The following ENTREP2 variants were observed in gnomAD, a reference collection of about 807,000 sequenced individuals.
ENTREP2 encodes endosomal transmembrane epsin interactor 2.
At chr15:29,484,542 G>C in the ENTREP2 span, among the ~76,000 whole-genome samples, 1 of 151,984 alleles carries the variant, frequency 6.6e-6, no homozygotes, top group African/African-American at 2.4e-5. Flanking sequence ...ACATGCCATA[G>C]GTACATGCAT....
At chr15:29,294,752 T>C in the ENTREP2 span, among the ~76,000 whole-genome samples, 82 of 152,344 alleles carry the variant, frequency 5.4e-4, no homozygotes, top group African/African-American at 1.9e-3. Flanking sequence ...AATATTGTGC[T>C]TTCTTTTCCA....
chr15:29,217,524 TC>T, the ENTREP2 span, among the ~76,000 whole-genome samples: 21 of 152,244 alleles, frequency 1.4e-4, no homozygotes, highest in Non-Finnish European at 2.2e-4. Context: ...TGAATTTCTT[TC>T]TTCTACTTGT....
the ENTREP2 span, chr15:29,570,022 G>A: frequency 6.7e-6 from 1 of 150,226 alleles, no homozygotes; most frequent in Non-Finnish European, 1.5e-5. Context: ...AACCCGACGG[G>A]AGGCGCCCCT....
chr15:29,488,410 C>T, the ENTREP2 span, among the ~76,000 whole-genome samples: 2 of 152,094 alleles, frequency 1.3e-5, no homozygotes, highest in Non-Finnish European at 2.9e-5. Context: ...AAAAGATTAA[C>T]AGGTATGAAA....
At chr15:29,450,908 A>G in the ENTREP2 span, among the ~76,000 whole-genome samples, 1 of 152,192 alleles carries the variant, frequency 6.6e-6, no homozygotes, top group East Asian at 1.9e-4. Flanking sequence ...CAATGAGTAC[A>G]CATGGACAGA....
chr15:29,624,554 AGCT>A, the ENTREP2 span, among the ~76,000 whole-genome samples: 4 of 152,212 alleles, frequency 2.6e-5, no homozygotes, highest in Admixed American at 2.0e-4. Context: ...CACATGATTT[AGCT>A]GTCGTTCAGT....
the ENTREP2 span, among the ~76,000 whole-genome samples, chr15:29,492,767 GC>G: frequency 6.6e-6 from 1 of 152,118 alleles, no homozygotes. Flanking sequence ...ACTTTGGGAG[GC>G]CAAAGCAGGT....
the ENTREP2 span, among the ~76,000 whole-genome samples, chr15:29,188,068 G>A: frequency 1.3e-5 from 2 of 152,150 alleles, no homozygotes; most frequent in South Asian, 4.1e-4. Flanking sequence ...GTGGAGTCTG[G>A]CTGAAGCTGG....
the ENTREP2 span, among the ~76,000 whole-genome samples, chr15:29,198,395 C>T: frequency 1.3e-5 from 2 of 152,200 alleles, no homozygotes; most frequent in Non-Finnish European, 2.9e-5. Flanking sequence ...TAAGATCAAA[C>T]CATTTTTCAA....
chr15:29,472,617 A>G, the ENTREP2 span, among the ~76,000 whole-genome samples: 1 of 151,706 alleles, frequency 6.6e-6, no homozygotes, highest in East Asian at 1.9e-4. Context: ...GGCTCCCCCC[A>G]CCACGCCCAG....
the ENTREP2 span, among the ~76,000 whole-genome samples, chr15:29,159,865 G>A: frequency 2.7e-3 from 416 of 152,378 alleles, 3 homozygotes; most frequent in African/African-American, 9.6e-3. Context: ...AGCCCAGCTG[G>A]CTTCACCCGG....
the ENTREP2 span, among the ~76,000 whole-genome samples, chr15:29,486,294 G>C: frequency 1.3e-5 from 2 of 152,176 alleles, no homozygotes; most frequent in South Asian, 4.1e-4. Flanking sequence ...AAATAAGCAA[G>C]CCAGAGAATG....
chr15:29,553,487 A>G, the ENTREP2 span, among the ~76,000 whole-genome samples: 2 of 152,140 alleles, frequency 1.3e-5, no homozygotes, highest in South Asian at 4.1e-4. Flanking sequence ...TATTTTCCAC[A>G]TGCTTTTCTG....
chr15:29,341,643 G>A, the ENTREP2 span, among the ~76,000 whole-genome samples: 6 of 152,262 alleles, frequency 3.9e-5, no homozygotes, highest in Non-Finnish European at 7.4e-5. Flanking sequence ...GGGGAGTGGC[G>A]AGGAAGCAAA....
the ENTREP2 span, among the ~76,000 whole-genome samples, chr15:29,165,700 A>G: frequency 0.037 from 5,658 of 152,256 alleles, 323 homozygotes; most frequent in African/African-American, 0.13. Context: ...AATTACCAAC[A>G]ACAAAAAATG....
the ENTREP2 span, among the ~76,000 whole-genome samples, chr15:29,472,531 C>T: frequency 6.6e-6 from 1 of 151,988 alleles, no homozygotes; most frequent in Non-Finnish European, 1.5e-5. Flanking sequence ...ATGGCGCAAT[C>T]TCGGCTCACT....
At chr15:29,573,750 C>T in the ENTREP2 span, among the ~76,000 whole-genome samples, 11 of 151,700 alleles carry the variant, frequency 7.3e-5, no homozygotes, top group Non-Finnish European at 1.2e-4. Context: ...GCTAAACAAC[C>T]GAGTTTCAGC....
the ENTREP2 span, among the ~76,000 whole-genome samples, chr15:29,148,081 G>A: frequency 6.6e-6 from 1 of 152,192 alleles, no homozygotes; most frequent in Non-Finnish European, 1.5e-5. Context: ...TATGGAACAT[G>A]CAGAACAGGC....
chr15:29,556,892 G>A, the ENTREP2 span, among the ~76,000 whole-genome samples: 1 of 152,108 alleles, frequency 6.6e-6, no homozygotes, highest in Non-Finnish European at 1.5e-5. Flanking sequence ...GCAGGATGGG[G>A]CAGCCACCTC....
Sources: gnomAD v4.1 joint callset for allele counts (sites outside exome capture counted in the v4.1 genomes callset) on GRCh38, gnomAD v4.1.1 for gene constraint, MANE v1.5 for transcripts, NCBI Gene and HGNC (gene_info 2026-07-23, HGNC 2026-07-21) for gene names.